EEIG2: variants seen among roughly 807,000 people sequenced by gnomAD.
EEIG2 encodes family with sequence similarity 102 member B.
chr1:108,612,273 A>G, the EEIG2 span: 1 of 1,610,768 alleles, frequency 6.2e-7, no homozygotes, highest in East Asian at 2.2e-5. Flanking sequence ...AAAATACAAG[A>G]CAGGATAATT....
the EEIG2 span, among the ~76,000 whole-genome samples, chr1:108,568,221 G>A: frequency 2.6e-5 from 4 of 152,148 alleles, no homozygotes; most frequent in African/African-American, 7.2e-5. Flanking sequence ...TTGAAAGAAA[G>A]CAAATATTGG....
At chr1:108,611,248 T>C in the EEIG2 span, among the ~76,000 whole-genome samples, 5 of 152,248 alleles carry the variant, frequency 3.3e-5, no homozygotes, top group Non-Finnish European at 7.3e-5. Flanking sequence ...CTTTTTATTG[T>C]ATATTTATGG....
the EEIG2 span, among the ~76,000 whole-genome samples, chr1:108,600,361 T>C: frequency 6.6e-6 from 1 of 152,190 alleles, no homozygotes; most frequent in Non-Finnish European, 1.5e-5. Context: ...TCACTTTTTT[T>C]CCAGTTTCCA....
At chr1:108,634,078 T>C in the EEIG2 span, among the ~76,000 whole-genome samples, 1 of 152,198 alleles carries the variant, frequency 6.6e-6, no homozygotes, top group Non-Finnish European at 1.5e-5. Flanking sequence ...ATTTCACTTA[T>C]TCTATCCGGT....
the EEIG2 span, among the ~76,000 whole-genome samples, chr1:108,585,547 T>C: frequency 6.6e-6 from 1 of 152,038 alleles, no homozygotes; most frequent in African/African-American, 2.4e-5. Flanking sequence ...TCAAGGAAGG[T>C]CCCAGCATGT....
chr1:108,595,443 AGGG>A, the EEIG2 span, among the ~76,000 whole-genome samples: 1 of 120,464 alleles, frequency 8.3e-6, no homozygotes, highest in Admixed American at 9.5e-5. Flanking sequence ...GGAGGGAGGG[AGGG>A]AAGGAGGAAG....
At chr1:108,576,667 G>C in the EEIG2 span, among the ~76,000 whole-genome samples, 3 of 147,332 alleles carry the variant, frequency 2.0e-5, no homozygotes, top group Middle Eastern at 3.4e-3. Context: ...TGGTGTATAT[G>C]TGCCACATTT....
chr1:108,580,237 A>G, the EEIG2 span, among the ~76,000 whole-genome samples: 1 of 152,186 alleles, frequency 6.6e-6, no homozygotes, highest in African/African-American at 2.4e-5. Flanking sequence ...AACTGCACCC[A>G]TAGAAGGTGG....
At chr1:108,614,355 A>G in the EEIG2 span, among the ~76,000 whole-genome samples, 1 of 152,208 alleles carries the variant, frequency 6.6e-6, no homozygotes. Flanking sequence ...CAACCAGACT[A>G]GCTGCCATTA....
the EEIG2 span, chr1:108,637,270 A>G: frequency 1.3e-5 from 2 of 152,198 alleles, no homozygotes; most frequent in Non-Finnish European, 1.5e-5. Flanking sequence ...AAATAGAAAC[A>G]CTGATAAGGA....
chr1:108,629,465 T>C, the EEIG2 span: 2 of 624,466 alleles, frequency 3.2e-6, no homozygotes, highest in South Asian at 5.3e-5. Flanking sequence ...TATATAACTT[T>C]GGTTTTTAAG....
At chr1:108,592,077 A>T in the EEIG2 span, among the ~76,000 whole-genome samples, 1 of 152,202 alleles carries the variant, frequency 6.6e-6, no homozygotes, top group African/African-American at 2.4e-5. Flanking sequence ...GTATTTTAAA[A>T]AGAGTTCTCT....
the EEIG2 span, chr1:108,624,993 G>A: frequency 3.9e-5 from 15 of 383,334 alleles, no homozygotes; most frequent in South Asian, 8.8e-4. Context: ...ACAGGTACAA[G>A]AGAATACTAC....
the EEIG2 span, among the ~76,000 whole-genome samples, chr1:108,590,421 A>C: frequency 6.6e-6 from 1 of 152,192 alleles, no homozygotes; most frequent in African/African-American, 2.4e-5. Flanking sequence ...TGGTGGGCAA[A>C]TTGAGGTGGA....
At chr1:108,607,143 G>A in the EEIG2 span, among the ~76,000 whole-genome samples, 1 of 152,212 alleles carries the variant, frequency 6.6e-6, no homozygotes. Flanking sequence ...ACTGACTGAA[G>A]AACGTCATCA....
chr1:108,582,374 G>A, the EEIG2 span, among the ~76,000 whole-genome samples: 63 of 152,084 alleles, frequency 4.1e-4, no homozygotes, highest in South Asian at 0.011. Context: ...TTTACATTAT[G>A]AGATTATTTT....
chr1:108,615,187 C>T, the EEIG2 span, among the ~76,000 whole-genome samples: 1 of 152,154 alleles, frequency 6.6e-6, no homozygotes, highest in Non-Finnish European at 1.5e-5. Context: ...CACATCTCAG[C>T]TCTGCCCTTT....
the EEIG2 span, among the ~76,000 whole-genome samples, chr1:108,634,313 G>A: frequency 6.6e-6 from 1 of 152,184 alleles, no homozygotes; most frequent in Non-Finnish European, 1.5e-5. Context: ...GGAGTTTCTG[G>A]GCAATCAACT....
chr1:108,608,893 T>C, the EEIG2 span, among the ~76,000 whole-genome samples: 1 of 152,320 alleles, frequency 6.6e-6, no homozygotes, highest in African/African-American at 2.4e-5. Context: ...GCTTTGCAGA[T>C]GTCTGTCATC....
Sources: gnomAD v4.1 joint callset for allele counts (sites outside exome capture counted in the v4.1 genomes callset) on GRCh38, gnomAD v4.1.1 for gene constraint, MANE v1.5 for transcripts, NCBI Gene and HGNC (gene_info 2026-07-23, HGNC 2026-07-21) for gene names.